Variants in GREB1L observed in about 807,000 individuals in gnomAD.
GREB1L encodes GREB1-like protein.
In GREB1L, 17 loss-of-function variants were observed where a neutral mutation model predicts 200.8. The observed-to-expected ratio is 0.08, with a 90% CI of 0.06 to 0.13. GREB1L has a LOEUF of 0.13. Ranked by LOEUF, GREB1L falls within the 10% of genes least tolerant of loss-of-function variation. The probability of loss-of-function intolerance (pLI) is 1.00; values close to 1 mark genes in which losing one functional copy is unlikely to be tolerated. For missense variants in GREB1L, 1,657 were observed against 2,367.7 expected (o/e 0.70, Z 6.23); for synonymous variants, 789 against 893.0 (o/e 0.88, Z 2.08).
At chr18:21,307,242 G>A (rs1167050353) in intron 1 of GREB1L, among the ~76,000 whole-genome samples, 2 of 152,120 alleles carry the variant, frequency 1.3e-5, no homozygotes, top group African/African-American at 4.8e-5. Flanking sequence ...CACAATAAAA[G>A]CTTTAGTTAC....
intron 1 of GREB1L, among the ~76,000 whole-genome samples, chr18:21,276,416 T>C (rs1023705359): frequency 1.6e-4 from 25 of 152,178 alleles, no homozygotes; most frequent in African/African-American, 5.8e-4. Context: ...ACATTCACGG[T>C]CTCTCCCCTG....
chr18:21,349,572 G>A (rs912159176), intron 1 of GREB1L, among the ~76,000 whole-genome samples: 5 of 152,146 alleles, frequency 3.3e-5, no homozygotes, highest in Admixed American at 2.6e-4. Flanking sequence ...GGGCAAGCGA[G>A]CATTACCACC....
chr18:21,333,332 C>T (rs1179767053), intron 1 of GREB1L, among the ~76,000 whole-genome samples: 2 of 152,168 alleles, frequency 1.3e-5, no homozygotes, highest in Non-Finnish European at 1.5e-5. Context: ...ATCTTAGTTA[C>T]TCTGTGATTA....
intron 4 of GREB1L, among the ~76,000 whole-genome samples, chr18:21,391,704 G>A (rs1403370435): frequency 2.6e-5 from 4 of 152,170 alleles, no homozygotes; most frequent in Non-Finnish European, 4.4e-5. Flanking sequence ...ATAATAGTGT[G>A]TAATCTTTTG....
intron 15 of GREB1L, among the ~76,000 whole-genome samples, chr18:21,455,668 C>A (rs1196016053): frequency 3.3e-5 from 5 of 150,558 alleles, no homozygotes. Flanking sequence ...CAGAGTGAGA[C>A]CCTCTCCCAA....
rs561517971 is a variant in GREB1L, at chr18:21,431,253, G to A, written c.833-8268G>A. ...TTGGCCAGACTGGTCCCAAACTCCTGACCTCAAGTGATCCGCCTGCCTCGG... is the reference window on the plus strand; with the variant it reads ...TTGGCCAGACTGGTCCCAAACTCCTAACCTCAAGTGATCCGCCTGCCTCGG... On this transcript the variant is annotated intron_variant, in intron 7 of 32. Transcript: ENST00000424526. Among the ~76,000 whole-genome samples, 5 of 152,094 alleles carry A rather than the reference G, an allele frequency of 3.3e-5. No homozygotes were observed. In the South Asian group the frequency reaches 6.2e-4, roughly 19 times the overall value.
chr18:21,518,847 C>T (rs1230348221), intron 31 of GREB1L, among the ~76,000 whole-genome samples: 1 of 151,944 alleles, frequency 6.6e-6, no homozygotes, highest in Non-Finnish European at 1.5e-5. Context: ...ACTAAGCTGT[C>T]CCTTTAGAAA....
intron 7 of GREB1L, among the ~76,000 whole-genome samples, chr18:21,415,738 A>C (rs946957379): frequency 6.6e-6 from 1 of 152,238 alleles, no homozygotes; most frequent in African/African-American, 2.4e-5. Flanking sequence ...AAGATAGAGC[A>C]CTTAGGAAGG....
At chr18:21,332,187 C>T (rs1224441044) in intron 1 of GREB1L, among the ~76,000 whole-genome samples, 2 of 152,204 alleles carry the variant, frequency 1.3e-5, no homozygotes, top group Non-Finnish European at 2.9e-5. Flanking sequence ...TGAAGATCTG[C>T]TGTTGTACTA....
At chr18:21,261,989 G>C (rs986209302) in intron 1 of GREB1L, among the ~76,000 whole-genome samples, 1 of 151,952 alleles carries the variant, frequency 6.6e-6, no homozygotes. Context: ...CATGATTTAA[G>C]TATGACATAA....
chr18:21,421,224 T>C (rs1370875940), intron 7 of GREB1L, among the ~76,000 whole-genome samples: 4 of 152,194 alleles, frequency 2.6e-5, no homozygotes, highest in African/African-American at 9.7e-5. Flanking sequence ...TGTACATATG[T>C]CAAACTTACC....
At chr18:21,430,885 C>T (rs1390438752) in intron 7 of GREB1L, among the ~76,000 whole-genome samples, 10 of 151,526 alleles carry the variant, frequency 6.6e-5, no homozygotes, top group Middle Eastern at 3.4e-3. Context: ...CGTGAGCCAC[C>T]GCACCTGGCC....
At chr18:21,458,634 C>G (rs1198491715) in intron 15 of GREB1L, among the ~76,000 whole-genome samples, 1 of 151,918 alleles carries the variant, frequency 6.6e-6, no homozygotes, top group Non-Finnish European at 1.5e-5. Context: ...AGCACACATT[C>G]TGATGAAGAA....
At chr18:21,268,511 G>GTATATATATACATATATATATGTA (rs2038011056) in intron 1 of GREB1L, among the ~76,000 whole-genome samples, 2 of 67,146 alleles carry the variant, frequency 3.0e-5, no homozygotes, top group African/African-American at 9.7e-5. Flanking sequence ...ATATATATAT[G>GTATATATATACATATATATATGTA]TATATATATA....
chr18:21,402,748 C>G (rs929713816), intron 6 of GREB1L, among the ~76,000 whole-genome samples: 1 of 151,978 alleles, frequency 6.6e-6, no homozygotes, highest in Non-Finnish European at 1.5e-5. Context: ...GTCTCGAACT[C>G]TTGGGCTCAA....
At chr18:21,513,164 G>A (rs994117757) in intron 27 of GREB1L, among the ~76,000 whole-genome samples, 1 of 152,164 alleles carries the variant, frequency 6.6e-6, no homozygotes, top group Non-Finnish European at 1.5e-5. Flanking sequence ...GGGTCACATG[G>A]CTAGAAAGTG....
chr18:21,243,947 T>C (rs1164280386), intron 1 of GREB1L, among the ~76,000 whole-genome samples: 2 of 152,196 alleles, frequency 1.3e-5, no homozygotes, highest in Non-Finnish European at 2.9e-5. Context: ...GCCACTGTTG[T>C]ATATTTTTTG....
At chr18:21,301,794 C>T (rs931954037) in intron 1 of GREB1L, among the ~76,000 whole-genome samples, 26 of 152,182 alleles carry the variant, frequency 1.7e-4, no homozygotes, top group Non-Finnish European at 2.1e-4. Context: ...TTATTCAGCT[C>T]AGCTCAAACC....
rs570725069 is a variant in GREB1L at position 21,410,252 on chromosome 18, G to T, written c.832+6258G>T. Among the ~76,000 whole-genome samples the T allele has an allele frequency of 5.9e-5, 9 of 152,198 alleles. No individual in the cohort carries two copies. In the South Asian group the frequency reaches 1.9e-3, roughly 32 times the overall value. ...ACTCTATGAAGCAGGGCCACTTTAT[G>T]ATTTTCTTGGGCCCTAGATATCTTT... On this transcript the variant is annotated intron_variant, in intron 7 of 32. Transcript: ENST00000424526.
Sources: gnomAD v4.1 joint callset for allele counts (sites outside exome capture counted in the v4.1 genomes callset) on GRCh38, gnomAD v4.1.1 for gene constraint, MANE v1.5 for transcripts, NCBI Gene and HGNC (gene_info 2026-07-23, HGNC 2026-07-21) for gene names.